The following HERC3 variants were observed in gnomAD, a reference collection of about 807,000 sequenced individuals.
HERC3 encodes HECT and RLD domain containing E3 ubiquitin protein ligase 3.
HERC3 carries 58 observed loss-of-function variants against 129.9 expected under a neutral mutation model. That is an observed-to-expected ratio of 0.45 (90% CI 0.36 to 0.56). The LOEUF is 0.56. Ranked by LOEUF, HERC3 falls within the 20% of genes least tolerant of loss-of-function variation. HERC3 has a pLI of 0.00. For synonymous variants in HERC3, 430 were observed against 451.0 expected, an observed-to-expected ratio of 0.95 and a Z score of 0.59; for missense variants, 835 against 1,244.2, an observed-to-expected ratio of 0.67 and a Z score of 4.95.
intron 23 of HERC3, chr4:88,695,916 A>AT (rs2149337712): frequency 6.6e-6 from 1 of 152,628 alleles, no homozygotes; most frequent in Admixed American, 6.5e-5. Context: ...TTTTATATAT[A>AT]TTTTTTGAAA....
intron 4 of HERC3, 108 bp from the exon 5 acceptor site, chr4:88,651,904 G>A (rs1228310564): frequency 1.2e-6 from 1 of 861,348 alleles, no homozygotes; most frequent in Non-Finnish European, 1.9e-6. Flanking sequence ...AGACTTTTAG[G>A]CAAGATGGTG....
rs369583819 is a variant in HERC3 at position 88,652,828 on chromosome 4, T to C, written c.464-41T>C. The C allele has an allele frequency of 1.0e-5, 16 of 1,564,084 alleles. No individual in the cohort carries two copies. In the African/African-American group the frequency reaches 1.9e-4, roughly 19 times the overall value. On this transcript the variant is annotated intron_variant, in intron 5 of 25. Transcript: ENST00000402738. ...CTAGATTATTTTTGTGTGTGGAGCT[T>C]GTATCATTTTATGGTAATACCAGTT...
chr4:88,650,179 T>A (rs1288830576), intron 4 of HERC3, among the ~76,000 whole-genome samples, 180 bp downstream of exon 4: 1 of 152,244 alleles, frequency 6.6e-6, no homozygotes, highest in African/African-American at 2.4e-5. Flanking sequence ...AGTGTCTGTC[T>A]CTGTTTCAAA....
At chr4:88,542,206 A>G in the HERC3 span, among the ~76,000 whole-genome samples, 1 of 152,134 alleles carries the variant, frequency 6.6e-6, no homozygotes, top group East Asian at 1.9e-4. Flanking sequence ...AAGATTAATA[A>G]AGAATAAAAG....
At chr4:88,653,167 T>C (rs1729479330) in intron 6 of HERC3, 77 bp downstream of exon 6, 2 of 1,390,400 alleles carry the variant, frequency 1.4e-6, no homozygotes, top group Admixed American at 1.8e-5. Flanking sequence ...GGATCTACTA[T>C]GTGCTAGCCC....
intron 10 of HERC3, among the ~76,000 whole-genome samples, chr4:88,662,199 A>G (rs747814562): frequency 7.2e-5 from 11 of 152,254 alleles, no homozygotes; most frequent in Non-Finnish European, 1.2e-4. Context: ...CCATGCCTCT[A>G]CCTGCCATTG....
chr4:88,697,138 A>T, intron 23 of HERC3: 1 of 1,421,536 alleles, frequency 7.0e-7, no homozygotes, highest in Non-Finnish European at 9.3e-7. Flanking sequence ...AAGTCCATCG[A>T]TATTCTGGGA....
chr4:88,693,044 A>G (rs1734236597), intron 23 of HERC3: 1 of 975,878 alleles, frequency 1.0e-6, no homozygotes, highest in Non-Finnish European at 1.2e-6. Flanking sequence ...TTAGGTGAAG[A>G]CAATGCTTAT....
chr4:88,639,538 G>A (rs901781251), intron 3 of HERC3, among the ~76,000 whole-genome samples: 2 of 151,644 alleles, frequency 1.3e-5, no homozygotes, highest in Admixed American at 1.3e-4. Context: ...TAGCATCTAC[G>A]GTAAACCAAA....
chr4:88,620,433 A>G (rs191407474), intron 3 of HERC3, among the ~76,000 whole-genome samples: 69 of 152,174 alleles, frequency 4.5e-4, no homozygotes, highest in South Asian at 8.3e-4. Flanking sequence ...CAGGCCAAAA[A>G]CCTTGGAGTC....
the HERC3 span, among the ~76,000 whole-genome samples, chr4:88,584,412 T>G: frequency 9.2e-5 from 14 of 152,208 alleles, no homozygotes; most frequent in African/African-American, 3.4e-4. Context: ...CACGTTCCAT[T>G]CCAGGTATTG....
intron 3 of HERC3, among the ~76,000 whole-genome samples, chr4:88,646,610 G>A (rs1728716046): frequency 6.6e-6 from 1 of 152,144 alleles, no homozygotes; most frequent in African/African-American, 2.4e-5. Context: ...TAGTCTTGAC[G>A]GAATGGATCA....
chr4:88,533,341 C>T, the HERC3 span, among the ~76,000 whole-genome samples: 3 of 152,190 alleles, frequency 2.0e-5, no homozygotes, highest in Non-Finnish European at 4.4e-5. Flanking sequence ...AAATGTTAAT[C>T]TCCTTTGGCA....
chr4:88,630,242 A>T (rs1726590599), intron 3 of HERC3, among the ~76,000 whole-genome samples: 1 of 152,200 alleles, frequency 6.6e-6, no homozygotes, highest in African/African-American at 2.4e-5. Flanking sequence ...CCCATAAAGA[A>T]TGATGATGCT....
intron 3 of HERC3, among the ~76,000 whole-genome samples, chr4:88,625,035 T>C (rs1725942298): frequency 6.6e-6 from 1 of 152,240 alleles, no homozygotes; most frequent in Admixed American, 6.5e-5. Flanking sequence ...TTGTGGACCC[T>C]GTATTCTGTT....
At chr4:88,531,866 C>T in the HERC3 span, among the ~76,000 whole-genome samples, 1 of 152,170 alleles carries the variant, frequency 6.6e-6, no homozygotes, top group Non-Finnish European at 1.5e-5. Context: ...TAGCACAGGG[C>T]AGCTGTGGCA....
the HERC3 span, among the ~76,000 whole-genome samples, chr4:88,578,106 G>C: frequency 6.6e-6 from 1 of 152,142 alleles, no homozygotes; most frequent in Non-Finnish European, 1.5e-5. Flanking sequence ...AACAGTTTAA[G>C]AGAAAAGAAG....
chr4:88,551,293 T>A, the HERC3 span, among the ~76,000 whole-genome samples: 8 of 151,084 alleles, frequency 5.3e-5, no homozygotes, highest in African/African-American at 1.9e-4. Context: ...GGGATCTAAT[T>A]AAACTAAAGA....
chr4:88,695,358 G>A (rs537594162), intron 23 of HERC3, among the ~76,000 whole-genome samples: 2 of 152,184 alleles, frequency 1.3e-5, no homozygotes, highest in East Asian at 3.9e-4. Flanking sequence ...GAAGCAAATG[G>A]CATCTGATTT....
Sources: gnomAD v4.1 joint callset for allele counts (sites outside exome capture counted in the v4.1 genomes callset) on GRCh38, gnomAD v4.1.1 for gene constraint, MANE v1.5 for transcripts, NCBI Gene and HGNC (gene_info 2026-07-23, HGNC 2026-07-21) for gene names.